The following NLRP14 variants were observed in gnomAD, a reference collection of about 807,000 sequenced individuals.
NLRP14 encodes NLR family pyrin domain containing 14, also known as NACHT, LRR and PYD domains-containing protein 14.
Under a neutral mutation model 94.7 loss-of-function variants are expected in NLRP14, and 105 were observed. The ratio of observed to expected loss-of-function variants is 1.11; its 90% confidence interval spans 0.95 to 1.30. NLRP14 has a LOEUF of 1.30. Among genes scored for constraint, NLRP14 ranks in the 50% most tolerant of loss-of-function variants. The pLI, the probability that NLRP14 is intolerant of heterozygous loss-of-function variation, is 0.00. For missense variants in NLRP14, 1,362 were observed against 1,254.1 expected (o/e 1.09, Z -1.30); for synonymous variants, 508 against 459.9 (o/e 1.10, Z -1.34).
Position 7,043,262 on chromosome 11 carries a change from T to G in NLRP14, c.1236T>G (p.Asp412Glu), listed in dbSNP as rs946495691. The change falls in exon 4 of 12, where the codon GAT becomes GAG. Residue 412 changes from aspartate (D) to glutamate (E), a missense_variant. Asp to Glu is a conservative substitution (Grantham distance 45, BLOSUM62 2). Transcript: ENST00000299481. ...CYISSLFTPV[D>E]GGSPSLPNQA... ...TTTCTAGCTTGTTCACACCAGTAGA[T>G]GGAGGCTCTCCTAGTCTACCCAACC... 6.2e-7 allele frequency: 1 copy of G among 1,614,134 alleles called. No homozygotes were observed. The highest frequency in any genetic ancestry group is 1.7e-5 in the Admixed American group (1 of 60,026).
intron 3 of NLRP14, among the ~76,000 whole-genome samples, chr11:7,041,155 A>G (rs559992860): frequency 2.6e-4 from 39 of 152,218 alleles, no homozygotes; most frequent in South Asian, 1.0e-3. Flanking sequence ...ATTTTGGGTA[A>G]ATAGTGTTTT....
At chr11:7,028,250 C>CT (rs1161524702) in intron 1 of NLRP14, among the ~76,000 whole-genome samples, 5 of 152,166 alleles carry the variant, frequency 3.3e-5, no homozygotes, top group African/African-American at 1.2e-4. Flanking sequence ...TTTAAACAAT[C>CT]TTCTCAATCT....
At chr11:7,067,575 T>C (rs1852723043) in intron 10 of NLRP14, among the ~76,000 whole-genome samples, 2 of 152,230 alleles carry the variant, frequency 1.3e-5, no homozygotes. Context: ...CTGAAGTTGC[T>C]TATCCTTGAA....
chr11:7,062,225 T>C (rs1852633255), intron 9 of NLRP14, 108 bp from the exon 10 acceptor site: 2 of 915,076 alleles, frequency 2.2e-6, no homozygotes, highest in African/African-American at 1.6e-5. Flanking sequence ...GGATTGTAGA[T>C]AGAAAAGAGT....
At chr11:7,078,777 A>C in the NLRP14 span, among the ~76,000 whole-genome samples, 1 of 152,120 alleles carries the variant, frequency 6.6e-6, no homozygotes, top group South Asian at 2.1e-4. Flanking sequence ...GACAAGAGTG[A>C]CACTCCGTCT....
the NLRP14 span, among the ~76,000 whole-genome samples, chr11:7,086,233 A>G: frequency 2.0e-5 from 3 of 152,234 alleles, no homozygotes; most frequent in Non-Finnish European, 4.4e-5. Flanking sequence ...GACAATAACT[A>G]TCCTAATTGA....
chr11:7,028,414 C>T (rs901341842), intron 1 of NLRP14, among the ~76,000 whole-genome samples: 11 of 152,254 alleles, frequency 7.2e-5, no homozygotes, highest in African/African-American at 1.9e-4. Context: ...CTACCGGCCT[C>T]GCCCTAGACA....
chr11:7,052,187 T>C (rs1852450053), intron 6 of NLRP14, among the ~76,000 whole-genome samples: 1 of 152,202 alleles, frequency 6.6e-6, no homozygotes. Context: ...GCTCTGCTAT[T>C]GGGGCTTTAT....
chr11:7,068,020 A>G (rs542244389), intron 10 of NLRP14, among the ~76,000 whole-genome samples: 3 of 152,070 alleles, frequency 2.0e-5, no homozygotes, highest in Admixed American at 6.5e-5. Context: ...TAGTAAGTAT[A>G]TATTGTTGAT....
chr11:7,040,531 T>C (rs1029949728), intron 3 of NLRP14, among the ~76,000 whole-genome samples: 3 of 152,198 alleles, frequency 2.0e-5, no homozygotes, highest in Non-Finnish European at 2.9e-5. Flanking sequence ...TCCATGAAAC[T>C]GGCCCCTGGT....
At chr11:7,052,045 A>G (rs1466793568) in intron 6 of NLRP14, among the ~76,000 whole-genome samples, 1 of 152,232 alleles carries the variant, frequency 6.6e-6, no homozygotes, top group Non-Finnish European at 1.5e-5. Flanking sequence ...GCCTTATAAT[A>G]GGTCTTAAAA....
At chr11:7,062,585 G>A in intron 10 of NLRP14, 82 bp downstream of exon 10, 1 of 1,229,826 alleles carries the variant, frequency 8.1e-7, no homozygotes, top group South Asian at 1.2e-5. Context: ...TATGGAGAGA[G>A]GATAAAAACT....
the NLRP14 span, chr11:7,089,782 C>G: frequency 3.3e-5 from 52 of 1,592,328 alleles, no homozygotes; most frequent in Non-Finnish European, 3.1e-5. Flanking sequence ...GACGGCTACT[C>G]GAGCCGAGAC....
intron 4 of NLRP14, among the ~76,000 whole-genome samples, chr11:7,044,448 C>A (rs1852321278): frequency 6.6e-6 from 1 of 152,210 alleles, no homozygotes; most frequent in South Asian, 2.1e-4. Context: ...CCGTACTCCA[C>A]TGACCTAGCT....
chr11:7,054,303 T>C (rs1852487770), intron 6 of NLRP14, among the ~76,000 whole-genome samples: 1 of 152,186 alleles, frequency 6.6e-6, no homozygotes, highest in Admixed American at 6.5e-5. Flanking sequence ...ACTGATTTTC[T>C]TTCTTTTGGG....
intron 6 of NLRP14, among the ~76,000 whole-genome samples, chr11:7,056,609 T>C (rs1484708090): frequency 6.6e-6 from 1 of 151,758 alleles, no homozygotes; most frequent in Non-Finnish European, 1.5e-5. Flanking sequence ...ATATCTACAG[T>C]TAGAAACATT....
chr11:7,052,228 A>T (rs1051567654), intron 6 of NLRP14, among the ~76,000 whole-genome samples: 1 of 152,202 alleles, frequency 6.6e-6, no homozygotes, highest in African/African-American at 2.4e-5. Flanking sequence ...TGTTGCTTCC[A>T]CAAAACAGCC....
At chr11:7,052,030 T>C (rs189004799) in intron 6 of NLRP14, among the ~76,000 whole-genome samples, 6 of 152,312 alleles carry the variant, frequency 3.9e-5, no homozygotes, top group Non-Finnish European at 7.3e-5. Flanking sequence ...TTTTCCACAT[T>C]ATAGGCCTTA....
At chr11:7,036,371 CTACTA>C (rs1490726618) in intron 1 of NLRP14, among the ~76,000 whole-genome samples, 1 of 152,114 alleles carries the variant, frequency 6.6e-6, no homozygotes, top group Non-Finnish European at 1.5e-5. Flanking sequence ...ATATTCTACT[CTACTA>C]TAATTGTAGA....
Sources: gnomAD v4.1 joint callset for allele counts (sites outside exome capture counted in the v4.1 genomes callset) on GRCh38, gnomAD v4.1.1 for gene constraint, MANE v1.5 for transcripts, NCBI Gene and HGNC (gene_info 2026-07-23, HGNC 2026-07-21) for gene names.